Variants in WLS observed in about 807,000 individuals in gnomAD.
The protein encoded by WLS is Wnt ligand secretion mediator, also known as protein wntless homolog.
Under a neutral mutation model 62.8 loss-of-function variants are expected in WLS, and 23 were observed. The ratio of observed to expected loss-of-function variants is 0.37; its 90% CI spans 0.26 to 0.52. The LOEUF (loss-of-function observed/expected upper bound fraction) is 0.52. WLS is among the 20% of genes least tolerant of loss of function. The probability of loss-of-function intolerance (pLI) is 0.92; values close to 1 mark genes in which losing one functional copy is unlikely to be tolerated. For synonymous variants in WLS, 246 were observed against 244.1 expected (o/e 1.01, Z -0.07); for missense variants, 615 against 697.3 (o/e 0.88, Z 1.33).
chr1:68,148,304 G>T, intron 7 of WLS, 105 bp from the exon 8 acceptor site: 1 of 1,199,554 alleles, frequency 8.3e-7, no homozygotes, highest in Middle Eastern at 1.9e-4. Flanking sequence ...GGTGAGGGCT[G>T]TATTTAGGCT....
intron 1 of WLS, among the ~76,000 whole-genome samples, chr1:68,205,115 G>A (rs1039550796): frequency 1.2e-4 from 19 of 152,140 alleles, no homozygotes; most frequent in Non-Finnish European, 2.2e-4. Context: ...TGTCCCGCCT[G>A]TATCAAAGTA....
chr1:68,100,053 AAC>A (rs1487847838), intron 11 of WLS, among the ~76,000 whole-genome samples: 2 of 152,238 alleles, frequency 1.3e-5, no homozygotes, highest in Non-Finnish European at 2.9e-5. Context: ...TCTCAGAGAA[AAC>A]AGTTTTTACC....
intron 11 of WLS, among the ~76,000 whole-genome samples, chr1:68,103,459 A>C (rs983353852): frequency 6.6e-6 from 1 of 152,220 alleles, no homozygotes; most frequent in African/African-American, 2.4e-5. Flanking sequence ...GTGCCCTTCT[A>C]ATGGACCAGG....
intron 4 of WLS, among the ~76,000 whole-genome samples, chr1:68,154,788 C>T (rs188445296): frequency 1.1e-3 from 166 of 152,262 alleles, no homozygotes; most frequent in Non-Finnish European, 2.0e-3. Flanking sequence ...CAAGGTGAAA[C>T]ACATAAAAAA....
At chr1:68,112,229 T>G (rs916040314) in intron 11 of WLS, among the ~76,000 whole-genome samples, 2 of 152,198 alleles carry the variant, frequency 1.3e-5, no homozygotes, top group African/African-American at 4.8e-5. Flanking sequence ...TGTCCTTACT[T>G]GCTCTCCTGG....
chr1:68,144,859 T>C (rs1392850933), intron 9 of WLS, among the ~76,000 whole-genome samples: 1 of 152,184 alleles, frequency 6.6e-6, no homozygotes, highest in Non-Finnish European at 1.5e-5. Context: ...TATGTTCTTA[T>C]CACTCATAAA....
rs531281330 is a variant in WLS, at chr1:68,161,666, C to T, written c.380-2419G>A. ...ATAAGTCCAGAATCAGTTACAAAGA[C>T]CATCATATTCTTTTTCTCTTAGTTC... On this transcript the variant is annotated intron_variant, in intron 2 of 11. Transcript: ENST00000262348. The T allele has an allele frequency of 7.1e-6, 7 of 981,620 alleles. No homozygotes were observed. The African/African-American group carries it at 9.6e-5, about 14-fold the overall frequency. 60.8% of individuals were successfully genotyped at this position (981,620 alleles called of 1,614,324 possible). A position where few individuals can be genotyped will look rare whatever the true frequency, so the allele number is the denominator to read the frequency against.
chr1:68,153,777 T>C (rs1450999916), intron 4 of WLS, 124 bp from the exon 5 acceptor site: 2 of 1,286,506 alleles, frequency 1.6e-6, no homozygotes, highest in Non-Finnish European at 1.1e-6. Context: ...ATCAAGAGCT[T>C]TCACATTCAT....
chr1:68,178,227 AT>A (rs1647343767), intron 2 of WLS, among the ~76,000 whole-genome samples: 1 of 152,106 alleles, frequency 6.6e-6, no homozygotes, highest in Non-Finnish European at 1.5e-5. Flanking sequence ...TTCCCCTTCT[AT>A]GTTTATGGAC....
At chr1:68,190,082 G>C (rs993730081) in intron 2 of WLS, among the ~76,000 whole-genome samples, 5 of 151,538 alleles carry the variant, frequency 3.3e-5, no homozygotes, top group Non-Finnish European at 1.5e-5. Context: ...TCCTTAGAGT[G>C]AGTTGGTTAA....
intron 2 of WLS, among the ~76,000 whole-genome samples, chr1:68,191,074 AAAT>A (rs1205666179): frequency 5.9e-5 from 9 of 151,288 alleles, no homozygotes; most frequent in Non-Finnish European, 8.9e-5. Flanking sequence ...AAAAAAAAAA[AAAT>A]GTTTATAGTT....
intron 11 of WLS, among the ~76,000 whole-genome samples, chr1:68,133,549 G>A (rs902954400): frequency 5.9e-5 from 9 of 152,176 alleles, no homozygotes; most frequent in African/African-American, 1.9e-4. Context: ...AAGGAACTAA[G>A]GTATGAGGTA....
Position 68,156,053 on chromosome 1 carries a change from A to G in WLS, c.505-793T>C, listed in dbSNP as rs536898566. ...AGAGCACGGTGGTGGGAAATTGGAC[A>G]GTAGGGAGACACCTTTTTTTTGAAA... On this transcript the variant is annotated intron_variant, in intron 3 of 11. Transcript: ENST00000262348. Among the ~76,000 whole-genome samples, 13 of 152,326 alleles carry G rather than the reference A, an allele frequency of 8.5e-5. No homozygotes were observed. The East Asian group carries it at 2.5e-3, about 29-fold the overall frequency.
intron 11 of WLS, chr1:68,127,081 G>A (rs1040735003): frequency 2.5e-5 from 10 of 402,104 alleles, no homozygotes; most frequent in Non-Finnish European, 4.4e-5. Flanking sequence ...TGTAACCTCA[G>A]CTACTCAGGA....
intron 1 of WLS, among the ~76,000 whole-genome samples, chr1:68,204,044 A>T (rs910000349): frequency 1.3e-5 from 2 of 152,218 alleles, no homozygotes; most frequent in African/African-American, 2.4e-5. Context: ...GACCAGTTCC[A>T]GATAAACAGA....
chr1:68,106,732 G>A lies in WLS; in HGVS notation c.1511-7979C>T, dbSNP rs4655775. Among the ~76,000 whole-genome samples the A allele has an allele frequency of 5.5e-5, 4 of 72,894 alleles. No individual in the cohort carries two copies. In the East Asian group the frequency reaches 1.3e-3, roughly 24 times the overall value. 47.8% of individuals were successfully genotyped at this position (72,894 alleles called of 152,430 possible). Reference sequence around the variant, plus strand: ...TGTTTGTCACTGTGTGTGTGTGTGTGTGTGTGTGTGTGTGTGTGTATGTGT... The same window carrying A: ...TGTTTGTCACTGTGTGTGTGTGTGTATGTGTGTGTGTGTGTGTGTATGTGT... On this transcript the variant is annotated intron_variant, in intron 11 of 11. Transcript: ENST00000354777.
At position 68,126,324 on chromosome 1, in the gene WLS, C is replaced by T. The variant is rs1251638197; in HGVS notation, c.1528G>A (p.Val510Ile). 2 of 1,613,934 alleles carry T rather than the reference C, an allele frequency of 1.2e-6. No homozygotes were observed. The highest frequency in any genetic ancestry group is 1.7e-6 in the Non-Finnish European group (2 of 1,180,028). Reference sequence around the variant, plus strand: ...AGCTGGAGTTCTTCCCCACTATGGACACCCAGATCGCCTGAAACAGGGTTT... The same window carrying T: ...AGCTGGAGTTCTTCCCCACTATGGATACCCAGATCGCCTGAAACAGGGTTT... ...GEDQSNGDLG[V>I]HSGEELQLTT... is the part of the protein sequence containing the mutation. Residue 510 changes from valine to isoleucine, a missense_variant, in exon 12 of 12, where the codon GTC becomes ATC. Val to Ile is a conservative substitution (Grantham distance 29). Coordinates refer to ENST00000262348, the MANE Select transcript of WLS (RefSeq NM_024911.7).
intron 11 of WLS, among the ~76,000 whole-genome samples, chr1:68,113,398 A>T (rs1001790631): frequency 8.5e-5 from 13 of 152,048 alleles, no homozygotes. Context: ...CTAGTAATCT[A>T]CTCATTCCCC....
rs556754743 is a variant in WLS, at chr1:68,109,387, C to T, written c.1511-10634G>A. 5.5e-4 allele frequency among the ~76,000 whole-genome samples: 83 copies of T among 152,266 alleles called. No individual in the cohort carries two copies. The South Asian group carries it at 0.016, about 30-fold the overall frequency. On this transcript the variant is annotated intron_variant, in intron 11 of 11. Transcript: ENST00000354777. ...GATCAATGAAATATAATCAAACACA[C>T]AAGAAAGCAAACCACTATAAGCAAG...
Sources: gnomAD v4.1 joint callset for allele counts (sites outside exome capture counted in the v4.1 genomes callset) on GRCh38, gnomAD v4.1.1 for gene constraint, MANE v1.5 for transcripts, NCBI Gene and HGNC (gene_info 2026-07-23, HGNC 2026-07-21) for gene names.